The following SHTN1 variants were observed in gnomAD, a reference collection of about 807,000 sequenced individuals.
The protein encoded by SHTN1 is shootin-1.
In SHTN1, 42 loss-of-function variants were observed where a neutral mutation model predicts 83.1. The observed-to-expected ratio is 0.51, with a 90% confidence interval of 0.39 to 0.65. SHTN1 has a LOEUF of 0.65. Ranked by LOEUF, SHTN1 falls within the 30% of genes least tolerant of loss-of-function variation. The pLI is 0.00. For missense variants in SHTN1, 622 were observed against 737.8 expected, an observed-to-expected ratio of 0.84 and a Z score of 1.82; for synonymous variants, 224 against 247.7, an observed-to-expected ratio of 0.90 and a Z score of 0.90.
At chr10:116,931,668 A>G (rs573342674) in intron 9 of SHTN1, among the ~76,000 whole-genome samples, 2 of 152,336 alleles carry the variant, frequency 1.3e-5, no homozygotes, top group African/African-American at 4.8e-5. Flanking sequence ...TAAATCACAT[A>G]GCTTACTATA....
At position 116,911,798 on chromosome 10, in the gene SHTN1, C is replaced by T; in HGVS notation, c.1351G>A (p.Gly451Arg). ...CTGAAATCTATTCTTACCAGTATTCCTTTTAGTTCATCCACTGCACTTTCG... is the reference window on the plus strand; with the variant it reads ...CTGAAATCTATTCTTACCAGTATTCTTTTTAGTTCATCCACTGCACTTTCG... ...GCESAVDELKGILGTLNKSTS... is the reference protein window; with the variant it reads ...GCESAVDELKRILGTLNKSTS... Residue 451 changes from glycine to arginine, a missense_variant, in exon 14 of 17, where the codon GGA (glycine) becomes AGA (arginine). This residue lies in a region of SHTN1 where 231 missense variants were observed against 251.6 expected (regional missense o/e 0.92). Transcript: ENST00000355371. 1 of 1,612,058 alleles carries T rather than the reference C, an allele frequency of 6.2e-7. No individual in the cohort carries two copies. The highest frequency in any genetic ancestry group is 8.5e-7 in the Non-Finnish European group (1 of 1,178,204).
intron 16 of SHTN1, among the ~76,000 whole-genome samples, chr10:116,893,576 G>GCACACACACACACACACACATACACA (rs1847411713): frequency 8.1e-6 from 1 of 123,524 alleles, no homozygotes; most frequent in Non-Finnish European, 1.6e-5. Context: ...GCACTCATGT[G>GCACACACACACACACACACATACACA]CACACACACA....
intron 1 of SHTN1, among the ~76,000 whole-genome samples, chr10:117,049,114 G>A (rs1191816324): frequency 6.6e-6 from 1 of 152,052 alleles, no homozygotes; most frequent in Non-Finnish European, 1.5e-5. Flanking sequence ...CTCCATTATG[G>A]GCTCAGATTG....
intron 1 of SHTN1, among the ~76,000 whole-genome samples, chr10:117,063,812 T>G (rs1211694410): frequency 6.6e-6 from 1 of 152,204 alleles, no homozygotes; most frequent in Non-Finnish European, 1.5e-5. Flanking sequence ...ACCATTCACC[T>G]GGCAATTTGT....
intron 1 of SHTN1, among the ~76,000 whole-genome samples, chr10:117,095,414 G>A (rs1853490341): frequency 6.6e-6 from 1 of 152,176 alleles, no homozygotes; most frequent in African/African-American, 2.4e-5. Flanking sequence ...TACGGTATCT[G>A]AAACTAAAAC....
intron 1 of SHTN1, among the ~76,000 whole-genome samples, chr10:117,003,796 G>A (rs1851906182): frequency 6.6e-6 from 1 of 152,046 alleles, no homozygotes; most frequent in Non-Finnish European, 1.5e-5. Context: ...TCCATTACAT[G>A]GTCTTGTCAG....
chr10:116,932,609 G>C (rs186242159), intron 9 of SHTN1, among the ~76,000 whole-genome samples: 1 of 152,228 alleles, frequency 6.6e-6, no homozygotes, highest in African/African-American at 2.4e-5. Flanking sequence ...TAAGTGTTCC[G>C]AGTATGTTTA....
At chr10:117,058,990 T>C (rs1184821145) in intron 1 of SHTN1, among the ~76,000 whole-genome samples, 1 of 152,056 alleles carries the variant, frequency 6.6e-6, no homozygotes, top group Admixed American at 6.6e-5. Flanking sequence ...GAGGAGGAAA[T>C]GGTTATTGTT....
intron 16 of SHTN1, among the ~76,000 whole-genome samples, chr10:116,896,810 T>C (rs2133313595): frequency 6.6e-6 from 1 of 150,532 alleles, no homozygotes; most frequent in Admixed American, 6.6e-5. Context: ...ACTTTTTTTT[T>C]TTTTTTTTTT....
At chr10:116,979,951 C>T (rs951081853) in intron 1 of SHTN1, among the ~76,000 whole-genome samples, 2 of 152,104 alleles carry the variant, frequency 1.3e-5, no homozygotes, top group African/African-American at 2.4e-5. Flanking sequence ...TTGTCAGTCA[C>T]GACCAGAAAT....
chr10:117,003,551 C>T (rs1489792243), intron 1 of SHTN1, among the ~76,000 whole-genome samples: 2 of 151,678 alleles, frequency 1.3e-5, no homozygotes, highest in African/African-American at 4.8e-5. Context: ...CAGAGGAATC[C>T]GGGAGCACTT....
intron 9 of SHTN1, among the ~76,000 whole-genome samples, chr10:116,940,097 T>C (rs1479591220): frequency 6.6e-6 from 1 of 152,236 alleles, no homozygotes; most frequent in Non-Finnish European, 1.5e-5. Context: ...ACAAGTGCTC[T>C]GAGTTGAATA....
At chr10:116,989,940 G>A (rs1353153765) in intron 1 of SHTN1, among the ~76,000 whole-genome samples, 4 of 152,084 alleles carry the variant, frequency 2.6e-5, no homozygotes, top group African/African-American at 4.8e-5. Flanking sequence ...TGGCATAGTT[G>A]GCAGGAAATT....
At chr10:117,115,213 C>T (rs942372881) in intron 1 of SHTN1, among the ~76,000 whole-genome samples, 17 of 152,178 alleles carry the variant, frequency 1.1e-4, no homozygotes, top group African/African-American at 9.7e-5. Flanking sequence ...TGAAGTCAGA[C>T]AGGTCTGAGA....
intron 1 of SHTN1, among the ~76,000 whole-genome samples, chr10:117,055,238 G>T (rs904516099): frequency 1.3e-5 from 2 of 152,102 alleles, no homozygotes; most frequent in African/African-American, 4.8e-5. Flanking sequence ...GACACATGGG[G>T]ATTACAATTC....
chr10:117,066,648 A>T (rs942413367), intron 1 of SHTN1, among the ~76,000 whole-genome samples: 2 of 152,150 alleles, frequency 1.3e-5, no homozygotes, highest in Admixed American at 6.5e-5. Context: ...TGTTTCGGCC[A>T]TTTTCTGAAT....
At position 116,905,158 on chromosome 10, in the gene SHTN1, C is replaced by G. The variant is rs986039612; in HGVS notation, c.1480+1469G>C. ...CGGAGCTTGCAGTGAGCCGAGATTG[C>G]GCCACTGCAGTCCGCAGTCCAGCCT... is the stretch of plus-strand genomic sequence containing the variant. On this transcript the variant is annotated intron_variant, in intron 15 of 16. Coordinates refer to ENST00000355371, the MANE Select transcript of SHTN1 (RefSeq NM_001127211.3). Among the ~76,000 whole-genome samples, 4 of 148,532 alleles carry G rather than the reference C, an allele frequency of 2.7e-5. No homozygotes were observed. The Admixed American group carries it at 2.7e-4, about 10-fold the overall frequency.
chr10:117,085,018 C>T (rs924742333), intron 1 of SHTN1, among the ~76,000 whole-genome samples: 3 of 152,126 alleles, frequency 2.0e-5, no homozygotes, highest in African/African-American at 7.2e-5. Flanking sequence ...AGGCTGGGAG[C>T]TGTAGACCAG....
intron 1 of SHTN1, among the ~76,000 whole-genome samples, chr10:116,980,132 T>A (rs557176835): frequency 6.6e-6 from 1 of 152,054 alleles, no homozygotes; most frequent in East Asian, 1.9e-4. Context: ...TTTTTAGGTA[T>A]CCCTACAGTT....
Sources: gnomAD v4.1 joint callset for allele counts (sites outside exome capture counted in the v4.1 genomes callset) on GRCh38, gnomAD v4.1.1 for gene constraint, gnomAD v4.1.1 regional missense constraint, MANE v1.5 for transcripts, NCBI Gene and HGNC (gene_info 2026-07-23, HGNC 2026-07-21) for gene names.